The following ASPH variants were observed in gnomAD, a reference collection of about 807,000 sequenced individuals.
The protein encoded by ASPH is aspartyl/asparaginyl beta-hydroxylase.
Under a neutral mutation model 118.4 loss-of-function variants are expected in ASPH, and 100 were observed. The ratio of observed to expected loss-of-function variants is 0.84; its 90% CI spans 0.72 to 1.00. The LOEUF is 1.00. ASPH is among the 50% of genes least tolerant of loss of function. ASPH has a pLI of 0.00. For synonymous variants in ASPH, 315 were observed against 325.6 expected (o/e 0.97, Z 0.35); for missense variants, 920 against 919.5 (o/e 1.00, Z -0.01).
intron 14 of ASPH, among the ~76,000 whole-genome samples, chr8:61,618,017 G>A (rs543439596): frequency 1.3e-5 from 2 of 151,594 alleles, no homozygotes; most frequent in South Asian, 4.2e-4. Flanking sequence ...TGAAGTAGTA[G>A]GGAAGAGGAC....
intron 15 of ASPH, among the ~76,000 whole-genome samples, chr8:61,580,912 A>G (rs534585069): frequency 6.6e-6 from 1 of 152,328 alleles, no homozygotes; most frequent in Admixed American, 6.5e-5. Context: ...TTCCAGACAC[A>G]TATCTTTTGG....
intron 10 of ASPH, among the ~76,000 whole-genome samples, chr8:61,639,779 C>A (rs182299950): frequency 6.6e-6 from 1 of 152,244 alleles, no homozygotes; most frequent in East Asian, 1.9e-4. Context: ...TCAAAGAAAT[C>A]TCACTATCAT....
intron 3 of ASPH, among the ~76,000 whole-genome samples, chr8:61,670,211 A>G (rs1052583973): frequency 7.9e-5 from 12 of 152,120 alleles, no homozygotes; most frequent in African/African-American, 2.9e-4. Flanking sequence ...ACAATGAAAC[A>G]AAAAGAGAGT....
chr8:61,562,632 T>C lies in ASPH; in HGVS notation c.1437+112A>G, dbSNP rs1213568090. 1.4e-5 allele frequency: 15 copies of C among 1,102,842 alleles called. No homozygotes were observed. In the African/African-American group the frequency reaches 1.6e-4, roughly 12 times the overall value. The allele number at this position is 1,102,842 out of a possible 1,614,324, so 68.3% of individuals were successfully genotyped here. The stretch of plus-strand genomic sequence containing the variant: ...TAGAATATGTTAACTATAATAATAC[T>C]TACATGCTTTTTAACTTAATTTAAA... On this transcript the variant is annotated intron_variant, in intron 18 of 24. Coordinates refer to ENST00000379454, the MANE Select transcript of ASPH (RefSeq NM_004318.4).
At chr8:61,553,164 CA>C in intron 19 of ASPH, 44 bp from the exon 20 acceptor site, 3 of 1,420,540 alleles carry the variant, frequency 2.1e-6, no homozygotes, top group Non-Finnish European at 3.0e-6. Flanking sequence ...AATTAAATAC[CA>C]GATTCCATTA....
intron 21 of ASPH, among the ~76,000 whole-genome samples, chr8:61,540,700 A>G (rs1015668061): frequency 1.3e-5 from 2 of 152,210 alleles, no homozygotes; most frequent in African/African-American, 4.8e-5. Flanking sequence ...CAAAGGGGAA[A>G]ACACATATGA....
chr8:61,626,345 T>G (rs1289698483), intron 13 of ASPH: 1 of 1,388,686 alleles, frequency 7.2e-7, no homozygotes, highest in Admixed American at 3.1e-5. Context: ...AACTGCTTCA[T>G]TTTCATTCTA....
chr8:61,680,532 T>C (rs1827529369), intron 3 of ASPH: 1 of 151,978 alleles, frequency 6.6e-6, no homozygotes, highest in African/African-American at 2.4e-5. Context: ...CATTTTAAGA[T>C]GTTTATTATC....
chr8:61,712,727 A>T lies in ASPH; in HGVS notation c.103+1542T>A, dbSNP rs1838340089. On this transcript the variant is annotated intron_variant, in intron 1 of 24. Transcript: ENST00000379454. ...CTTCAAATAGTTATGGGGTAGGTCT[A>T]GAAACGTGAGACACATTTCCCAGTA... Among the ~76,000 whole-genome samples the T allele has an allele frequency of 2.0e-5, 3 of 152,228 alleles. No individual in the cohort carries two copies. The South Asian group carries it at 6.2e-4, about 31-fold the overall frequency.
intron 3 of ASPH, among the ~76,000 whole-genome samples, chr8:61,677,776 G>A (rs1388925770): frequency 6.6e-6 from 1 of 152,046 alleles, no homozygotes; most frequent in African/African-American, 2.4e-5. Flanking sequence ...CACTATAGCT[G>A]CATATTTAGT....
intron 4 of ASPH, among the ~76,000 whole-genome samples, chr8:61,652,849 A>G (rs1811741078): frequency 1.3e-5 from 2 of 152,086 alleles, no homozygotes; most frequent in African/African-American, 4.8e-5. Flanking sequence ...GCCTTAAAGG[A>G]AAAAAAATCA....
At chr8:61,547,425 G>A (rs932467347) in intron 21 of ASPH, among the ~76,000 whole-genome samples, 3 of 152,176 alleles carry the variant, frequency 2.0e-5, no homozygotes, top group Non-Finnish European at 2.9e-5. Flanking sequence ...GACCCTTTTA[G>A]GGGCTCTGCA....
At chr8:61,504,837 T>TCA (rs897053137) in intron 24 of ASPH, among the ~76,000 whole-genome samples, 14 of 152,340 alleles carry the variant, frequency 9.2e-5, no homozygotes, top group African/African-American at 3.4e-4. Flanking sequence ...ATAAGTCTGA[T>TCA]AATAAAATTT....
chr8:61,638,759 C>T (rs954545050), intron 10 of ASPH, among the ~76,000 whole-genome samples: 6 of 152,124 alleles, frequency 3.9e-5, no homozygotes, highest in Non-Finnish European at 7.4e-5. Flanking sequence ...TGCCGCCAGC[C>T]CCTGAGAATG....
chr8:61,639,421 C>T (rs892319623), intron 10 of ASPH, among the ~76,000 whole-genome samples: 9 of 152,156 alleles, frequency 5.9e-5, no homozygotes, highest in African/African-American at 1.9e-4. Flanking sequence ...GATGGACACT[C>T]GCCAGCCCTC....
chr8:61,568,625 T>G (rs978317669), intron 16 of ASPH, among the ~76,000 whole-genome samples: 2 of 151,946 alleles, frequency 1.3e-5, no homozygotes, highest in African/African-American at 4.8e-5. Context: ...AGAAGTTAAG[T>G]GTGGGAATCA....
At chr8:61,662,557 AACCCTCTAATCATGACT>A (rs1817443544) in intron 3 of ASPH, among the ~76,000 whole-genome samples, 1 of 152,254 alleles carries the variant, frequency 6.6e-6, no homozygotes, top group Non-Finnish European at 1.5e-5. Context: ...GCATGATTTT[AACCCTCTAATCATGACT>A]GAAAGCTTGT....
chr8:61,509,159 G>C (rs1586219099), intron 24 of ASPH, among the ~76,000 whole-genome samples: 2 of 152,292 alleles, frequency 1.3e-5, no homozygotes, highest in South Asian at 2.1e-4. Flanking sequence ...AAAAGTCATA[G>C]TGTTACTGGA....
rs186603078 is a variant in ASPH at position 61,538,794 on chromosome 8, A to G, written c.1764+9277T>C. On this transcript the variant is annotated intron_variant, in intron 21 of 24. Transcript: ENST00000379454. ...ACAATATGAAGAAAGGCAAACTTAT[A>G]TATGATGCTATTTTGGATCACAAAA... Among the ~76,000 whole-genome samples, 10 of 152,370 alleles carry G rather than the reference A, an allele frequency of 6.6e-5. No homozygotes were observed. In the East Asian group the frequency reaches 1.7e-3, roughly 26 times the overall value.
Sources: allele counts gnomAD v4.1 joint callset (sites outside exome capture counted in the v4.1 genomes callset), GRCh38; gene constraint gnomAD v4.1.1; transcripts MANE v1.5; gene names NCBI Gene and HGNC (gene_info 2026-07-23, HGNC 2026-07-21).